Variants in HACE1 observed in about 807,000 individuals in gnomAD.
The protein encoded by HACE1 is E3 ubiquitin-protein ligase HACE1.
A neutral mutation model predicts 118.4 loss-of-function variants in HACE1; 73 were observed. The observed-to-expected ratio is 0.62, with a 90% CI of 0.51 to 0.75. The LOEUF is 0.75. HACE1 is among the 30% of genes least tolerant of loss of function. HACE1 has a pLI of 0.00. For synonymous variants in HACE1, 368 were observed against 374.8 expected (o/e 0.98, Z 0.21); for missense variants, 749 against 1,102.2 (o/e 0.68, Z 4.54).
rs1313227255 is a variant in HACE1 at position 104,859,898 on chromosome 6, TC to T, written c.-257del. 3 of 464,228 alleles carry T rather than the reference TC, an allele frequency of 6.5e-6. No individual in the cohort carries two copies. The highest frequency in any genetic ancestry group is 1.1e-5 in the Non-Finnish European group (3 of 261,908). The allele number at this position is 464,228 out of a possible 1,614,324, so 28.8% of individuals were successfully genotyped here. A position where few individuals can be genotyped will look rare whatever the true frequency, so the allele number is the denominator to read the frequency against. On this transcript the variant is annotated 5_prime_UTR_variant, in exon 1 of 24. Coordinates refer to ENST00000262903, the MANE Select transcript of HACE1 (RefSeq NM_020771.4). ...CCTGCAGCCCCCGCCGCCGCGTCCCTCCCGGGCTCGCGTGGCCTTCTGGGAA... is the reference window on the plus strand; with the variant it reads ...CCTGCAGCCCCCGCCGCCGCGTCCCTCCGGGCTCGCGTGGCCTTCTGGGAA...
At position 104,859,655 on chromosome 6, in the gene HACE1, C is replaced by G; in HGVS notation, c.-13G>C. 1 of 1,527,316 alleles carries G rather than the reference C, an allele frequency of 6.5e-7. No individual in the cohort carries two copies. Among genetic ancestry groups the G allele is most frequent in the Non-Finnish European group, 8.8e-7 (1 of 1,140,454 alleles). 94.6% of individuals were successfully genotyped at this position (1,527,316 alleles called of 1,614,324 possible). On this transcript the variant is annotated 5_prime_UTR_variant, in exon 1 of 24. Transcript: ENST00000262903. ...TCGCTCTCTCCATCCTCGGCGCGCC[C>G]TCCGCGATCCTCCGCGATCAGCCGC...
At chr6:104,763,665 G>A (rs1168459240) in intron 19 of HACE1, among the ~76,000 whole-genome samples, 1 of 151,968 alleles carries the variant, frequency 6.6e-6, no homozygotes, top group Non-Finnish European at 1.5e-5. Context: ...CAGCAGCACA[G>A]AGGCATCACC....
chr6:104,758,270 A>C (rs1236782582), intron 19 of HACE1, among the ~76,000 whole-genome samples: 1 of 150,830 alleles, frequency 6.6e-6, no homozygotes, highest in Non-Finnish European at 1.5e-5. Context: ...GGTTGAAATG[A>C]AGGAAAAAAT....
chr6:104,809,870 A>AAG (rs960850102), intron 7 of HACE1, among the ~76,000 whole-genome samples: 111 of 151,322 alleles, frequency 7.3e-4, no homozygotes, highest in Non-Finnish European at 8.0e-4. Flanking sequence ...CAAGTTCACA[A>AAG]AGAGAGAGAG....
intron 22 of HACE1, among the ~76,000 whole-genome samples, chr6:104,737,282 CAAAAAAAAAAAAA>C (rs59915070): frequency 6.8e-4 from 29 of 42,720 alleles, no homozygotes; most frequent in South Asian, 9.5e-4. Flanking sequence ...GACTCTCTCT[CAAAAAAAAAAAAA>C]AAAAAAAAAA....
chr6:104,820,916 T>C (rs1394435252), intron 6 of HACE1, among the ~76,000 whole-genome samples: 1 of 152,074 alleles, frequency 6.6e-6, no homozygotes, highest in Non-Finnish European at 1.5e-5. Flanking sequence ...CTATTCACAA[T>C]AGCAAAGACA....
Position 104,793,266 on chromosome 6 carries a change from C to CAAA in HACE1, c.924-1615_924-1613dup, listed in dbSNP as rs397887197. Among the ~76,000 whole-genome samples, 140 of 92,840 alleles carry CAAA rather than the reference C, an allele frequency of 1.5e-3. 2 individuals carry two copies. Among genetic ancestry groups the CAAA allele is most frequent in the African/African-American group, 4.9e-3 (134 of 27,346 alleles). 60.9% of individuals were successfully genotyped at this position (92,840 alleles called of 152,430 possible). Reference sequence around the variant, plus strand: ...TGGGCGATAGAGCGAGACTACATCTCAAAAAAAAAAAAAAAAAAAATTAAT... The same window carrying CAAA: ...TGGGCGATAGAGCGAGACTACATCTCAAAAAAAAAAAAAAAAAAAAAAATTAAT... On this transcript the variant is annotated intron_variant, in intron 10 of 23. Transcript: ENST00000262903.
At chr6:104,826,676 G>A (rs1324232943) in intron 6 of HACE1, among the ~76,000 whole-genome samples, 1 of 152,122 alleles carries the variant, frequency 6.6e-6, no homozygotes, top group African/African-American at 2.4e-5. Flanking sequence ...ATAAATAGGT[G>A]ACTGATAAAT....
chr6:104,737,152 C>T (rs537623778), intron 22 of HACE1, among the ~76,000 whole-genome samples: 5 of 150,786 alleles, frequency 3.3e-5, no homozygotes, highest in African/African-American at 9.7e-5. Flanking sequence ...ATTAGCTGGA[C>T]GTGGTGGCAG....
intron 22 of HACE1, among the ~76,000 whole-genome samples, chr6:104,734,310 GTTTGA>G (rs1451026714): frequency 6.6e-6 from 1 of 151,944 alleles, no homozygotes; most frequent in Non-Finnish European, 1.5e-5. Context: ...ATTGGAACAC[GTTTGA>G]TTTTTCAGTA....
intron 6 of HACE1, among the ~76,000 whole-genome samples, chr6:104,812,345 C>T (rs976787485): frequency 3.9e-5 from 6 of 151,918 alleles, no homozygotes; most frequent in Admixed American, 1.3e-4. Context: ...ACTCAGGAGG[C>T]TGAGGTGGGA....
At chr6:104,792,503 G>T (rs1783129962) in intron 10 of HACE1, among the ~76,000 whole-genome samples, 1 of 152,144 alleles carries the variant, frequency 6.6e-6, no homozygotes, top group African/African-American at 2.4e-5. Context: ...TTGGTTGATG[G>T]TGGTTTTATT....
chr6:104,836,435 T>C (rs1774544626), intron 5 of HACE1, among the ~76,000 whole-genome samples: 1 of 152,018 alleles, frequency 6.6e-6, no homozygotes, highest in African/African-American at 2.4e-5. Context: ...AATAAAGGCC[T>C]GGCGCGGTGG....
chr6:104,737,566 C>T (rs1385704396), intron 22 of HACE1, among the ~76,000 whole-genome samples: 2 of 152,178 alleles, frequency 1.3e-5, no homozygotes, highest in Non-Finnish European at 2.9e-5. Flanking sequence ...AAAGGGGTGA[C>T]AGACGGCACC....
At chr6:104,807,985 G>A (rs895819149) in intron 7 of HACE1, among the ~76,000 whole-genome samples, 86 of 152,158 alleles carry the variant, frequency 5.7e-4, no homozygotes, top group African/African-American at 1.7e-3. Context: ...TCGGGAGTTC[G>A]AGACCAGCCC....
At chr6:104,835,331 A>G (rs577159693) in intron 5 of HACE1, among the ~76,000 whole-genome samples, 2 of 152,140 alleles carry the variant, frequency 1.3e-5, no homozygotes, top group Non-Finnish European at 2.9e-5. Flanking sequence ...AAGTAGGGGG[A>G]AAAAGGAACC....
intron 22 of HACE1, among the ~76,000 whole-genome samples, chr6:104,736,466 T>A (rs182971091): frequency 1.3e-5 from 2 of 152,162 alleles, no homozygotes; most frequent in Admixed American, 6.5e-5. Flanking sequence ...TGTATTTTTG[T>A]AGAGACGGTT....
Position 104,729,512 on chromosome 6 carries a change from GA to G in HACE1, c.*149del. On this transcript the variant is annotated 3_prime_UTR_variant, in exon 24 of 24. Coordinates refer to ENST00000262903, the MANE Select transcript of HACE1 (RefSeq NM_020771.4). Reference sequence around the variant, plus strand: ...GAGAAAACATAAAAGGGAAAAGAGAGAAACAGAAAACCTGATGATCCTTTAT... The same window carrying G: ...GAGAAAACATAAAAGGGAAAAGAGAGAACAGAAAACCTGATGATCCTTTAT... 1.5e-6 allele frequency: 1 copy of G among 657,402 alleles called. No individual in the cohort carries two copies. 40.7% of individuals were successfully genotyped at this position (657,402 alleles called of 1,614,324 possible).
At chr6:104,840,909 G>T (rs962404594) in intron 5 of HACE1, among the ~76,000 whole-genome samples, 2 of 152,188 alleles carry the variant, frequency 1.3e-5, no homozygotes, top group African/African-American at 4.8e-5. Flanking sequence ...GGTGCAGTGA[G>T]CCAAGACAGC....
Sources: allele counts gnomAD v4.1 joint callset (sites outside exome capture counted in the v4.1 genomes callset), GRCh38; gene constraint gnomAD v4.1.1; transcripts MANE v1.5; gene names NCBI Gene and HGNC (gene_info 2026-07-23, HGNC 2026-07-21).